GABRB1: variants seen among roughly 807,000 people sequenced by gnomAD.
The protein encoded by GABRB1 is gamma-aminobutyric acid type A receptor subunit beta1, also known as gamma-aminobutyric acid receptor subunit beta-1.
A neutral mutation model predicts 51.6 loss-of-function variants in GABRB1; 17 were observed. The ratio of observed to expected loss-of-function variants is 0.33; its 90% CI spans 0.23 to 0.49. The LOEUF is 0.49. GABRB1 is among the 20% of genes least tolerant of loss of function. The probability of loss-of-function intolerance (pLI) is 0.99; values close to 1 mark genes in which losing one functional copy is unlikely to be tolerated. For synonymous variants in GABRB1, 247 were observed against 218.9 expected (o/e 1.13, Z -1.14); for missense variants, 410 against 600.6 (o/e 0.68, Z 3.32).
rs557382638 is a variant in GABRB1, at chr4:47,425,516, A to AGATAGATCGATC, written c.1081-155_1081-154insAGATCGATCGAT. On this transcript the variant is annotated intron_variant, in intron 8 of 8. Transcript: ENST00000295454. ...TAGATAGATAGATAGATAGATAGATAGATCGATCGATCTATCTCCACATCA... is the reference window on the plus strand; with the variant it reads ...TAGATAGATAGATAGATAGATAGATAGATAGATCGATCGATCGATCGATCTATCTCCACATCA... Among the ~76,000 whole-genome samples, 556 of 149,524 alleles carry AGATAGATCGATC rather than the reference A, an allele frequency of 3.7e-3. 3 individuals are homozygous for AGATAGATCGATC. The highest frequency in any genetic ancestry group is 9.5e-3 in the South Asian group (45 of 4,722).
At chr4:47,195,035 T>C (rs1182387779) in intron 4 of GABRB1, among the ~76,000 whole-genome samples, 1 of 152,090 alleles carries the variant, frequency 6.6e-6, no homozygotes, top group Non-Finnish European at 1.5e-5. Flanking sequence ...TTCCTCACCA[T>C]GGGTAAGCAG....
chr4:47,354,472 G>A (rs1726478166), intron 5 of GABRB1, among the ~76,000 whole-genome samples: 1 of 151,948 alleles, frequency 6.6e-6, no homozygotes. Flanking sequence ...ATCTTCTTAG[G>A]GACATCTTTC....
At chr4:47,226,191 G>T (rs1720938431) in intron 4 of GABRB1, among the ~76,000 whole-genome samples, 1 of 152,158 alleles carries the variant, frequency 6.6e-6, no homozygotes, top group South Asian at 2.1e-4. Context: ...AAGTGAAATA[G>T]ATGTGATACT....
intron 4 of GABRB1, among the ~76,000 whole-genome samples, chr4:47,293,614 A>T (rs1021206796): frequency 3.9e-5 from 6 of 152,240 alleles, no homozygotes; most frequent in Admixed American, 2.0e-4. Flanking sequence ...AAAGATTTGA[A>T]CATTTAATTA....
intron 5 of GABRB1, among the ~76,000 whole-genome samples, chr4:47,347,071 C>A (rs1311883025): frequency 6.6e-6 from 1 of 152,096 alleles, no homozygotes; most frequent in Non-Finnish European, 1.5e-5. Flanking sequence ...CACTCGAGGT[C>A]AGGAGTTCGT....
intron 5 of GABRB1, among the ~76,000 whole-genome samples, chr4:47,333,055 TGTTA>T (rs1725544009): frequency 6.7e-6 from 1 of 148,234 alleles, no homozygotes; most frequent in South Asian, 2.1e-4. Context: ...TGTTACAAGA[TGTTA>T]ATCTATTTTT....
intron 5 of GABRB1, among the ~76,000 whole-genome samples, chr4:47,321,491 C>T (rs1174231819): frequency 1.3e-5 from 2 of 152,090 alleles, no homozygotes; most frequent in African/African-American, 2.4e-5. Flanking sequence ...TTTTAAATCT[C>T]ATCATATAAA....
At chr4:47,294,375 C>A (rs181713486) in intron 4 of GABRB1, among the ~76,000 whole-genome samples, 1 of 152,326 alleles carries the variant, frequency 6.6e-6, no homozygotes, top group East Asian at 1.9e-4. Context: ...TGACAGATGG[C>A]ACCTGGAAAA....
intron 4 of GABRB1, among the ~76,000 whole-genome samples, chr4:47,171,612 A>T (rs919950330): frequency 2.6e-5 from 4 of 152,138 alleles, no homozygotes; most frequent in African/African-American, 9.6e-5. Flanking sequence ...GTATAAATTC[A>T]TACATATTTT....
chr4:47,001,360 T>C (rs1196952418), intron 1 of GABRB1, among the ~76,000 whole-genome samples: 5 of 152,060 alleles, frequency 3.3e-5, no homozygotes, highest in Non-Finnish European at 7.4e-5. Flanking sequence ...GCCAGGATGG[T>C]CTGAATCTCC....
chr4:47,373,284 G>A (rs573265710), intron 5 of GABRB1, among the ~76,000 whole-genome samples: 2 of 152,170 alleles, frequency 1.3e-5, no homozygotes, highest in South Asian at 4.2e-4. Flanking sequence ...TATTTGAGTT[G>A]GGGTGAGAAT....
At chr4:47,211,582 G>A (rs1231567014) in intron 4 of GABRB1, among the ~76,000 whole-genome samples, 5 of 152,162 alleles carry the variant, frequency 3.3e-5, no homozygotes, top group Admixed American at 6.5e-5. Flanking sequence ...GCAGAGAACC[G>A]TTACCGCTCT....
intron 4 of GABRB1, among the ~76,000 whole-genome samples, chr4:47,312,481 G>A (rs2109954322): frequency 6.6e-6 from 1 of 152,184 alleles, no homozygotes. Flanking sequence ...TCTCTCATCA[G>A]TTTCTTTGTG....
intron 4 of GABRB1, among the ~76,000 whole-genome samples, chr4:47,297,993 A>G (rs1393127707): frequency 6.6e-6 from 1 of 152,242 alleles, no homozygotes; most frequent in African/African-American, 2.4e-5. Flanking sequence ...CAAAAACTAC[A>G]TGATTATCTC....
intron 4 of GABRB1, among the ~76,000 whole-genome samples, chr4:47,246,081 C>CT (rs1461051178): frequency 6.7e-6 from 1 of 149,302 alleles, no homozygotes; most frequent in African/African-American, 2.5e-5. Context: ...TTCTCCCCCC[C>CT]CAAGTCCCCA....
At chr4:47,023,372 A>C (rs1000813661) in intron 1 of GABRB1, among the ~76,000 whole-genome samples, 2 of 152,016 alleles carry the variant, frequency 1.3e-5, no homozygotes, top group African/African-American at 4.8e-5. Flanking sequence ...GAGGGGATGA[A>C]TATCCCTTTC....
intron 4 of GABRB1, among the ~76,000 whole-genome samples, chr4:47,170,624 A>G (rs1718399906): frequency 6.6e-6 from 1 of 152,134 alleles, no homozygotes; most frequent in Non-Finnish European, 1.5e-5. Context: ...CTAGGTAAAA[A>G]TACTGTGCGG....
At chr4:47,132,270 A>T (rs1716449045) in intron 3 of GABRB1, among the ~76,000 whole-genome samples, 1 of 152,028 alleles carries the variant, frequency 6.6e-6, no homozygotes, top group Admixed American at 6.6e-5. Flanking sequence ...TTTTCTATTG[A>T]TGTGAGAGAT....
chr4:47,368,743 C>T (rs1469909592), intron 5 of GABRB1, among the ~76,000 whole-genome samples: 1 of 151,994 alleles, frequency 6.6e-6, no homozygotes, highest in African/African-American at 2.4e-5. Flanking sequence ...ATAGTCTCAG[C>T]AGTGTATGAC....
Sources: gnomAD v4.1 joint callset for allele counts (sites outside exome capture counted in the v4.1 genomes callset) on GRCh38, gnomAD v4.1.1 for gene constraint, MANE v1.5 for transcripts, NCBI Gene and HGNC (gene_info 2026-07-23, HGNC 2026-07-21) for gene names.